PRUNE2: variants seen among roughly 807,000 people sequenced by gnomAD.
The protein encoded by PRUNE2 is protein prune homolog 2.
Under a neutral mutation model 252.0 loss-of-function variants are expected in PRUNE2, and 164 were observed. The observed-to-expected ratio is 0.65, with a 90% CI of 0.57 to 0.74. The LOEUF is 0.74. Among genes scored for constraint, PRUNE2 ranks in the 30% least tolerant of loss-of-function variants. The pLI is 0.00. For missense variants in PRUNE2, 3,495 were observed against 3,711.0 expected, an observed-to-expected ratio of 0.94 and a Z score of 1.51; for synonymous variants, 1,292 against 1,350.2, an observed-to-expected ratio of 0.96 and a Z score of 0.94.
At chr9:76,658,128 G>T (rs1849919331) in intron 9 of PRUNE2, among the ~76,000 whole-genome samples, 1 of 152,236 alleles carries the variant, frequency 6.6e-6, no homozygotes, top group Non-Finnish European at 1.5e-5. Context: ...GGAGGCTGAG[G>T]CGGGTGGGTC....
At chr9:76,772,252 T>C (rs1274893872) in intron 6 of PRUNE2, among the ~76,000 whole-genome samples, 3 of 152,196 alleles carry the variant, frequency 2.0e-5, no homozygotes, top group Non-Finnish European at 2.9e-5. Context: ...AGAATGATCA[T>C]AGCTTCTTAG....
At chr9:76,670,097 C>T (rs1007575719) in intron 9 of PRUNE2, among the ~76,000 whole-genome samples, 5 of 152,282 alleles carry the variant, frequency 3.3e-5, no homozygotes, top group South Asian at 2.1e-4. Context: ...CCAGCGTGAG[C>T]GACGCAGAAG....
At chr9:76,850,743 G>T in intron 2 of PRUNE2, 78 bp from the exon 3 acceptor site, 1 of 1,106,232 alleles carries the variant, frequency 9.0e-7, no homozygotes, top group South Asian at 1.3e-5. Flanking sequence ...CAGCCTGGGG[G>T]TAACTGGTAA....
intron 9 of PRUNE2, among the ~76,000 whole-genome samples, chr9:76,700,505 T>C (rs2045787625): frequency 6.6e-6 from 1 of 152,204 alleles, no homozygotes; most frequent in Non-Finnish European, 1.5e-5. Context: ...AGCTAGCTTC[T>C]TACCCTCTTC....
intron 13 of PRUNE2, among the ~76,000 whole-genome samples, chr9:76,637,899 C>G (rs1840833532): frequency 6.6e-6 from 1 of 152,156 alleles, no homozygotes; most frequent in Non-Finnish European, 1.5e-5. Context: ...TGACTAAGAA[C>G]ATGTTATGAA....
chr9:76,676,552 G>C (rs186612535), intron 9 of PRUNE2, among the ~76,000 whole-genome samples: 5 of 152,148 alleles, frequency 3.3e-5, no homozygotes, highest in Admixed American at 3.3e-4. Flanking sequence ...ATGTGGAGTA[G>C]GTACAGGGGC....
intron 1 of PRUNE2, among the ~76,000 whole-genome samples, chr9:76,898,086 T>A (rs1205790776): frequency 6.6e-6 from 1 of 152,196 alleles, no homozygotes; most frequent in African/African-American, 2.4e-5. Context: ...AAACTAAGAT[T>A]GTGTGACTAG....
At chr9:76,820,109 C>T (rs1171748395) in intron 6 of PRUNE2, among the ~76,000 whole-genome samples, 1 of 152,116 alleles carries the variant, frequency 6.6e-6, no homozygotes, top group Non-Finnish European at 1.5e-5. Context: ...GGAGGCTGAG[C>T]GAAATGAGAC....
chr9:76,772,837 T>C (rs1247504157), intron 6 of PRUNE2, among the ~76,000 whole-genome samples: 1 of 152,186 alleles, frequency 6.6e-6, no homozygotes, highest in Non-Finnish European at 1.5e-5. Flanking sequence ...GTGCTGCGAT[T>C]AACAGGCATG....
chr9:76,708,674 A>C lies in PRUNE2; in HGVS notation c.3600T>G (p.Ala1200=), dbSNP rs768214342. 1.9e-5 allele frequency: 30 copies of C among 1,613,942 alleles called. No individual in the cohort carries two copies. The highest frequency in any genetic ancestry group is 2.5e-5 in the Non-Finnish European group (30 of 1,179,886). The change falls in exon 8 of 19, where the codon GCT becomes GCG. Residue 1200 remains alanine, a synonymous_variant. Coordinates refer to ENST00000376718, the MANE Select transcript of PRUNE2 (RefSeq NM_015225.3). ...CATTCAATGTGTGATGTTCACTGGG[A>C]GCACTGTCCTTGGTATGCTCATCAG... ...PASDEHTKDS[A]PSEHHTLNEK...
chr9:76,807,230 T>TA (rs56229301), intron 6 of PRUNE2, among the ~76,000 whole-genome samples: 42,885 of 145,888 alleles, frequency 0.29, 6,210 homozygotes, highest in Middle Eastern at 0.39. Context: ...CTGGCTAATT[T>TA]AAAAAAAAAA....
intron 6 of PRUNE2, among the ~76,000 whole-genome samples, chr9:76,779,232 C>CTTT (rs5898506): frequency 0.015 from 2,215 of 144,890 alleles, 54 homozygotes; most frequent in African/African-American, 0.051. Context: ...AAAACTTAGA[C>CTTT]TTTTTTTTTT....
intron 10 of PRUNE2, among the ~76,000 whole-genome samples, chr9:76,653,720 T>C (rs778842869): frequency 1.3e-5 from 2 of 151,408 alleles, no homozygotes; most frequent in Non-Finnish European, 2.9e-5. Flanking sequence ...TCAGTGCCCT[T>C]TACCTGGCCG....
rs1219204739 is a variant in PRUNE2 at position 76,881,633 on chromosome 9, T to C, written c.36+24295A>G. On this transcript the variant is annotated intron_variant, in intron 1 of 18. Coordinates refer to ENST00000376718, the MANE Select transcript of PRUNE2 (RefSeq NM_015225.3). ...TTCTGGACATTTCTTTTTTTTTTTT[T>C]TTCCCCAAGATGGAGTCTCACTCTG... 2.0e-5 allele frequency among the ~76,000 whole-genome samples: 3 copies of C among 151,810 alleles called. No homozygotes were observed. The East Asian group carries it at 5.8e-4, about 29-fold the overall frequency.
At chr9:76,851,954 A>T (rs372836978) in intron 2 of PRUNE2, among the ~76,000 whole-genome samples, 1 of 152,212 alleles carries the variant, frequency 6.6e-6, no homozygotes, top group Non-Finnish European at 1.5e-5. Flanking sequence ...GTTCAGTGAC[A>T]TGGAATTTGT....
chr9:76,777,032 T>C (rs1037631450), intron 6 of PRUNE2, among the ~76,000 whole-genome samples: 2 of 151,786 alleles, frequency 1.3e-5, no homozygotes, highest in Non-Finnish European at 2.9e-5. Context: ...CATCTGCCAC[T>C]GCACCAATGC....
intron 6 of PRUNE2, among the ~76,000 whole-genome samples, chr9:76,776,846 G>A (rs1217301590): frequency 7.2e-6 from 1 of 139,860 alleles, no homozygotes; most frequent in Non-Finnish European, 1.5e-5. Context: ...TATGTTTGAA[G>A]ATACATGAAG....
At chr9:76,670,988 C>G (rs541515843) in intron 9 of PRUNE2, among the ~76,000 whole-genome samples, 1 of 152,302 alleles carries the variant, frequency 6.6e-6, no homozygotes, top group South Asian at 2.1e-4. Context: ...CTCTAAAAAG[C>G]AGAGCGCCTC....
At chr9:76,770,881 G>A (rs752207592) in intron 6 of PRUNE2, among the ~76,000 whole-genome samples, 24 of 151,998 alleles carry the variant, frequency 1.6e-4, no homozygotes, top group Non-Finnish European at 2.9e-4. Context: ...CTATCAATGC[G>A]AAAGTAAATT....
Sources: gnomAD v4.1 joint callset for allele counts (sites outside exome capture counted in the v4.1 genomes callset) on GRCh38, gnomAD v4.1.1 for gene constraint, MANE v1.5 for transcripts, NCBI Gene and HGNC (gene_info 2026-07-23, HGNC 2026-07-21) for gene names.